The following ARL13B variants were observed in gnomAD, a reference collection of about 807,000 sequenced individuals.
ARL13B encodes ARF like GTPase 13B, also known as ADP-ribosylation factor-like protein 13B.
ARL13B carries 36 observed loss-of-function variants against 56.1 expected under a neutral mutation model. That is an observed-to-expected ratio of 0.64 (90% CI 0.49 to 0.85). The LOEUF is 0.85. Among genes scored for constraint, ARL13B ranks in the 40% least tolerant of loss-of-function variants. ARL13B has a pLI of 0.00. For missense variants in ARL13B, 519 were observed against 507.1 expected (o/e 1.02, Z -0.23); for synonymous variants, 178 against 171.1 (o/e 1.04, Z -0.32).
chr3:94,015,911 C>G (rs1309816666), intron 3 of ARL13B, among the ~76,000 whole-genome samples: 1 of 152,024 alleles, frequency 6.6e-6, no homozygotes, highest in Admixed American at 6.6e-5. Context: ...ATTTCTCATT[C>G]TTAGCATTCT....
chr3:94,030,737 C>T (rs1576016859), intron 3 of ARL13B, among the ~76,000 whole-genome samples: 2 of 152,116 alleles, frequency 1.3e-5, no homozygotes, highest in East Asian at 3.9e-4. Context: ...GATACGTAAC[C>T]ACAAAGATAT....
At chr3:94,013,227 C>T (rs2076256345) in intron 3 of ARL13B, among the ~76,000 whole-genome samples, 1 of 152,138 alleles carries the variant, frequency 6.6e-6, no homozygotes, top group African/African-American at 2.4e-5. Flanking sequence ...CGCTGACTAC[C>T]CAATCTAAAG....
chr3:93,989,923 A>G (rs534461733), intron 1 of ARL13B, among the ~76,000 whole-genome samples: 25 of 152,290 alleles, frequency 1.6e-4, no homozygotes, highest in African/African-American at 6.0e-4. Flanking sequence ...ATTAGGAGTA[A>G]GCGGCTCACT....
rs747359709 is a variant in ARL13B at position 94,003,841 on chromosome 3, G to T, written c.313G>T (p.Glu105Ter). The T allele has an allele frequency of 6.8e-6, 11 of 1,613,692 alleles. No homozygotes were observed. The highest frequency in any genetic ancestry group is 5.9e-6 in the Non-Finnish European group (7 of 1,179,738). The change falls in exon 3 of 10, where the codon GAA (glutamate) becomes TAA (stop). Residue 105 changes from glutamate (E) to a stop codon, truncating the protein, a stop_gained. Transcript: ENST00000394222. LOFTEE classifies it high-confidence loss of function. ...VVDSSDEERM[E>*]ETKEAMSEML... The stretch of plus-strand genomic sequence containing the variant: ...GGATTCCAGTGATGAAGAGAGAATG[G>T]AAGAGACAAAAGAGGCTATGTCAGA...
chr3:93,980,533 GC>G, intron 1 of ARL13B, 51 bp downstream of exon 1: 1 of 1,599,278 alleles, frequency 6.3e-7, no homozygotes. Flanking sequence ...AGATGGCTGC[GC>G]CCCAGGGGCG....
chr3:94,006,066 C>T (rs1368430653), intron 3 of ARL13B, among the ~76,000 whole-genome samples: 3 of 151,946 alleles, frequency 2.0e-5, no homozygotes, highest in South Asian at 4.2e-4. Context: ...TTTGGGAGGC[C>T]GAGGAGGGCA....
intron 2 of ARL13B, among the ~76,000 whole-genome samples, chr3:93,997,086 C>A (rs1382763920): frequency 6.6e-6 from 1 of 151,862 alleles, no homozygotes; most frequent in Admixed American, 6.6e-5. Context: ...CCAGATGGGA[C>A]CATCTAGTTG....
chr3:94,032,788 G>T (rs1298831098), intron 3 of ARL13B, among the ~76,000 whole-genome samples: 1 of 152,164 alleles, frequency 6.6e-6, no homozygotes, highest in African/African-American at 2.4e-5. Flanking sequence ...AAGCCACCGT[G>T]CCCGGCCAGT....
In ARL13B at chr3:94,035,417, A is replaced by G; in HGVS notation, c.467A>G (p.His156Arg). ...TCTCTGGAAAAATTGGTCAATGAGCACAAGTGCCTGTGTCAGATAGTAAGG... is the reference window on the plus strand; with the variant it reads ...TCTCTGGAAAAATTGGTCAATGAGCGCAAGTGCCTGTGTCAGATAGTAAGG... ...CLSLEKLVNE[H>R]KCLCQIEPCS... The change falls in exon 4 of 10, where the codon CAC (histidine) becomes CGC (arginine). Residue 156 changes from histidine to arginine, a missense_variant. His to Arg is a conservative substitution (Grantham distance 29). Coordinates refer to ENST00000394222, the MANE Select transcript of ARL13B (RefSeq NM_001174150.2). The G allele has an allele frequency of 6.2e-7, 1 of 1,601,434 alleles. No individual in the cohort carries two copies. Among genetic ancestry groups the G allele is most frequent in the Non-Finnish European group, 8.5e-7 (1 of 1,175,236 alleles).
chr3:94,032,565 C>T (rs2076694715), intron 3 of ARL13B, among the ~76,000 whole-genome samples: 1 of 151,914 alleles, frequency 6.6e-6, no homozygotes, highest in Admixed American at 6.6e-5. Context: ...GGCGCGATCT[C>T]GGCTCACTGC....
At position 93,980,253 on chromosome 3, in the gene ARL13B, C is replaced by G; in HGVS notation, c.-171C>G. 1 of 806,382 alleles carries G rather than the reference C, an allele frequency of 1.2e-6. No homozygotes were observed. Among genetic ancestry groups the G allele is most frequent in the East Asian group, 2.6e-5 (1 of 37,780 alleles). 50.0% of individuals were successfully genotyped at this position (806,382 alleles called of 1,614,324 possible). A position where few individuals can be genotyped will look rare whatever the true frequency, so the allele number is the denominator to read the frequency against. On this transcript the variant is annotated 5_prime_UTR_variant, in exon 1 of 10. Transcript: ENST00000394222. ...AGAGGGCAGTCGTCGCGGACCCACG[C>G]GGTTAGCAAGGCTTAGTGCTCGGGC... is the stretch of plus-strand genomic sequence containing the variant.
intron 6 of ARL13B, among the ~76,000 whole-genome samples, chr3:94,042,489 T>C (rs1294988960): frequency 2.6e-5 from 4 of 152,252 alleles, no homozygotes; most frequent in African/African-American, 9.6e-5. Context: ...AATAATTGTA[T>C]CTAACATTTA....
intron 3 of ARL13B, among the ~76,000 whole-genome samples, chr3:94,007,130 A>G (rs2107452144): frequency 6.6e-6 from 1 of 152,310 alleles, no homozygotes; most frequent in South Asian, 2.1e-4. Context: ...CTTAGAAGTC[A>G]TTTTAATGCT....
intron 7 of ARL13B, among the ~76,000 whole-genome samples, chr3:94,044,841 C>G (rs559399503): frequency 1.1e-3 from 166 of 148,268 alleles, no homozygotes; most frequent in African/African-American, 3.9e-3. Flanking sequence ...GCCCGGCCGC[C>G]CCGTCTGGGA....
At chr3:93,996,552 T>C (rs1037706812) in intron 2 of ARL13B, 7 of 317,338 alleles carry the variant, frequency 2.2e-5, no homozygotes, top group Admixed American at 3.7e-5. Flanking sequence ...TATTAGGTCT[T>C]TTTTTGGTAG....
intron 3 of ARL13B, chr3:94,014,698 CA>C (rs988360252): frequency 6.2e-7 from 1 of 1,612,870 alleles, no homozygotes; most frequent in Non-Finnish European, 8.5e-7. Context: ...AAAAACTTCC[CA>C]TTTTCCTTGA....
At position 94,055,291 on chromosome 3, in the gene ARL13B, T is replaced by C; in HGVS notation, c.*2028T>C. 2.4e-6 allele frequency: 1 copy of C among 415,860 alleles called. No individual in the cohort carries two copies. Among genetic ancestry groups the C allele is most frequent in the Non-Finnish European group, 4.7e-6 (1 of 213,762 alleles). 25.8% of individuals were successfully genotyped at this position (415,860 alleles called of 1,614,324 possible). ...ATAATTTATATCAATATTCTGTTTC[T>C]CTTTTCAATTGGTAGATTTAAATGA... On this transcript the variant is annotated 3_prime_UTR_variant, in exon 10 of 10. Transcript: ENST00000394222.
chr3:94,019,974 T>C (rs2076414422), intron 3 of ARL13B, among the ~76,000 whole-genome samples: 1 of 152,236 alleles, frequency 6.6e-6, no homozygotes, highest in East Asian at 1.9e-4. Context: ...TTTTGAACTA[T>C]ACCTTCTTTC....
At chr3:93,997,584 CTT>C (rs1213943715) in intron 2 of ARL13B, among the ~76,000 whole-genome samples, 1 of 152,172 alleles carries the variant, frequency 6.6e-6, no homozygotes, top group Non-Finnish European at 1.5e-5. Context: ...GGTCAGCAAA[CTT>C]TTTCTGTAAA....
Sources: gnomAD v4.1 joint callset for allele counts (sites outside exome capture counted in the v4.1 genomes callset) on GRCh38, gnomAD v4.1.1 for gene constraint, MANE v1.5 for transcripts, NCBI Gene and HGNC (gene_info 2026-07-23, HGNC 2026-07-21) for gene names.